The following HDGFL3 variants were observed in gnomAD, a reference collection of about 807,000 sequenced individuals.
HDGFL3 encodes the protein HDGF like 3.
A neutral mutation model predicts 27.6 loss-of-function variants in HDGFL3; 6 were observed. That is an observed-to-expected ratio of 0.22 (90% CI 0.12 to 0.43). HDGFL3 has a LOEUF of 0.43. Ranked by LOEUF, HDGFL3 falls within the 20% of genes least tolerant of loss-of-function variation. HDGFL3 has a pLI of 1.00. For missense variants in HDGFL3, 207 were observed against 250.1 expected (o/e 0.83, Z 1.16); for synonymous variants, 88 against 88.9 (o/e 0.99, Z 0.05).
intron 1 of HDGFL3, among the ~76,000 whole-genome samples, chr15:83,206,292 A>G (rs1348213728): frequency 6.6e-6 from 1 of 152,154 alleles, no homozygotes; most frequent in African/African-American, 2.4e-5. Context: ...CACTATATTT[A>G]TGCCAATTTT....
chr15:83,140,481 G>GTT (rs11429826), intron 5 of HDGFL3, among the ~76,000 whole-genome samples: 7,950 of 135,658 alleles, frequency 0.059, 461 homozygotes, highest in Middle Eastern at 0.11. Context: ...ACCAAAGAAA[G>GTT]TTTTTTTTTT....
At chr15:83,115,316 A>G (rs567420745) in exon 4 of HDGFL3, 3 of 229,474 alleles carry the variant, frequency 1.3e-5, no homozygotes, top group South Asian at 6.3e-5. Flanking sequence ...CGGGGTTTCA[A>G]TATGTTGGCC....
chr15:83,163,971 G>A (rs2037131874), intron 2 of HDGFL3, 28 bp downstream of exon 2: 7 of 1,449,468 alleles, frequency 4.8e-6, no homozygotes, highest in Non-Finnish European at 6.8e-6. Context: ...TCAAGCTAGA[G>A]CTGTTGAAAC....
Position 83,207,472 on chromosome 15 carries a change from C to T in HDGFL3, c.-58G>A. ...CGCCGCGAAGATGCCGGGAGGCCGCCCCCCCGCGGGCCGACGAATTGCGCC... is the reference window on the plus strand; with the variant it reads ...CGCCGCGAAGATGCCGGGAGGCCGCTCCCCCGCGGGCCGACGAATTGCGCC... On this transcript the variant is annotated 5_prime_UTR_variant, in exon 1 of 6. Coordinates refer to ENST00000299633, the MANE Select transcript of HDGFL3 (RefSeq NM_016073.4). The surrounding 1 kb of genome is among the most constrained non-coding windows in gnomAD (Gnocchi z 4.8). The T allele has an allele frequency of 8.2e-7, 1 of 1,219,558 alleles. No homozygotes were observed. Among genetic ancestry groups the T allele is most frequent in the Non-Finnish European group, 1.0e-6 (1 of 963,082 alleles). 75.5% of individuals were successfully genotyped at this position (1,219,558 alleles called of 1,614,324 possible).
At chr15:83,125,582 G>A (rs2035669498), downstream of HDGFL3, among the ~76,000 whole-genome samples, 1 of 152,122 alleles carries the variant, frequency 6.6e-6, no homozygotes, top group South Asian at 2.1e-4. Flanking sequence ...GATTTTTATT[G>A]ATCAGTGATC....
rs369935998 is a variant in HDGFL3 at position 83,194,774 on chromosome 15, C to A, written c.84+12557G>T. 4.6e-5 allele frequency among the ~76,000 whole-genome samples: 7 copies of A among 152,270 alleles called. No individual in the cohort carries two copies. The East Asian group carries it at 1.2e-3, about 25-fold the overall frequency. ...CAATGAATTTTAGTGCAGCTCCCTT[C>A]CACTTACTTGCTCTGTAACTGAGCA... On this transcript the variant is annotated intron_variant, in intron 1 of 5. Coordinates refer to ENST00000299633, the MANE Select transcript of HDGFL3 (RefSeq NM_016073.4).
At chr15:83,196,673 T>A (rs1157166390) in intron 1 of HDGFL3, among the ~76,000 whole-genome samples, 2 of 151,590 alleles carry the variant, frequency 1.3e-5, no homozygotes, top group Non-Finnish European at 2.9e-5. Context: ...AAAAGAAAAA[T>A]ATACTTGGGG....
At chr15:83,142,695 C>A (rs563839029) in intron 5 of HDGFL3, among the ~76,000 whole-genome samples, 66 of 152,132 alleles carry the variant, frequency 4.3e-4, no homozygotes, top group Admixed American at 3.7e-3. Flanking sequence ...ACTCATATCA[C>A]CATTTTTCAA....
At chr15:83,197,940 C>T (rs2037591713) in intron 1 of HDGFL3, among the ~76,000 whole-genome samples, 1 of 141,366 alleles carries the variant, frequency 7.1e-6, no homozygotes, top group South Asian at 2.2e-4. Flanking sequence ...GAGGCTGAGG[C>T]AGGAGAACCT....
At chr15:83,204,976 G>A (rs1452824967) in intron 1 of HDGFL3, among the ~76,000 whole-genome samples, 5 of 152,160 alleles carry the variant, frequency 3.3e-5, no homozygotes, top group African/African-American at 1.2e-4. Flanking sequence ...CTAATACAAA[G>A]TGCCTTCCTA....
intron 1 of HDGFL3, among the ~76,000 whole-genome samples, chr15:83,202,756 A>T (rs2037663977): frequency 6.6e-6 from 1 of 152,160 alleles, no homozygotes; most frequent in Non-Finnish European, 1.5e-5. Context: ...CCAGATCAAG[A>T]CAGGGAACAT....
At chr15:83,160,649 G>T (rs1166723658) in intron 2 of HDGFL3, among the ~76,000 whole-genome samples, 4 of 152,162 alleles carry the variant, frequency 2.6e-5, no homozygotes, top group Admixed American at 2.0e-4. Context: ...CTGGAGAGAG[G>T]ACTCTGGAGT....
In HDGFL3 at chr15:83,207,706, G is replaced by A; in HGVS notation, c.-292C>T. 6.6e-6 allele frequency: 1 copy of A among 151,930 alleles called. No homozygotes were observed. Among genetic ancestry groups the A allele is most frequent in the Non-Finnish European group, 1.4e-5 (1 of 70,720 alleles). 9.4% of individuals were successfully genotyped at this position (151,930 alleles called of 1,614,324 possible). ...CCCCGCCGCCGCCGCCGCCGCCGCC[G>A]CGCGCGCTGCTCACCAGCGCCGCGT... On this transcript the variant is annotated 5_prime_UTR_variant, in exon 1 of 6. Transcript: ENST00000299633. This position sits in a 1 kb window ranked among gnomAD's most constrained non-coding sequence, Gnocchi z 4.8.
intron 3 of HDGFL3, among the ~76,000 whole-genome samples, chr15:83,122,398 G>A (rs1470802344): frequency 6.7e-6 from 1 of 150,362 alleles, no homozygotes; most frequent in Non-Finnish European, 1.5e-5. Flanking sequence ...TATATAGGTA[G>A]ATAGATAGAT....
In HDGFL3 at chr15:83,138,333, C is replaced by G. The variant is rs531523797; in HGVS notation, c.*937G>C. ...AAAACCCAAACTGACTAAATGTGTT[C>G]TCACAATATAAGCTGGCATAAAAAT... On this transcript the variant is annotated 3_prime_UTR_variant, in exon 6 of 6. Coordinates refer to ENST00000299633, the MANE Select transcript of HDGFL3 (RefSeq NM_016073.4). The G allele has an allele frequency of 6.2e-4, 94 of 152,588 alleles. No homozygotes were observed. Among genetic ancestry groups the G allele is most frequent in the African/African-American group, 2.2e-3 (91 of 41,550 alleles). The allele number at this position is 152,588 out of a possible 1,614,324, so 9.5% of individuals were successfully genotyped here.
At chr15:83,150,041 C>T (rs548007846) in intron 5 of HDGFL3, among the ~76,000 whole-genome samples, 10 of 152,248 alleles carry the variant, frequency 6.6e-5, no homozygotes, top group East Asian at 3.9e-4. Flanking sequence ...TCTGGAGTTT[C>T]GGGCAGGTCT....
rs1596540741 is a variant in HDGFL3, at chr15:83,138,992, A to G, written c.*278T>C. On this transcript the variant is annotated 3_prime_UTR_variant, in exon 6 of 6. Transcript: ENST00000299633. ...CTTGATAAAAGGATCCTAGACATGT[A>G]TAAGTCTGCGCAAAAATCTTGATAA... 1 of 266,254 alleles carries G rather than the reference A, an allele frequency of 3.8e-6. No homozygotes were observed. Among genetic ancestry groups the G allele is most frequent in the Non-Finnish European group, 7.1e-6 (1 of 141,112 alleles). 16.5% of individuals were successfully genotyped at this position (266,254 alleles called of 1,614,324 possible). A position where few individuals can be genotyped will look rare whatever the true frequency, so the allele number is the denominator to read the frequency against.
At chr15:83,162,109 T>A (rs1006102143) in intron 2 of HDGFL3, among the ~76,000 whole-genome samples, 5 of 152,154 alleles carry the variant, frequency 3.3e-5, no homozygotes, top group African/African-American at 1.2e-4. Context: ...CCCTGCATCA[T>A]TTAACTAATT....
chr15:83,157,874 T>C (rs745673980), intron 3 of HDGFL3, 29 bp downstream of exon 3: 17 of 1,597,378 alleles, frequency 1.1e-5, no homozygotes, highest in Middle Eastern at 2.2e-4. Context: ...AAATGAGATA[T>C]AGCAAGTGAC....
Sources: gnomAD v4.1 joint callset for allele counts (sites outside exome capture counted in the v4.1 genomes callset) on GRCh38, gnomAD v4.1.1 for gene constraint, Gnocchi (gnomAD v3.1) non-coding constraint, MANE v1.5 for transcripts, NCBI Gene and HGNC (gene_info 2026-07-23, HGNC 2026-07-21) for gene names.